The following CPPED1 variants were observed in gnomAD, a reference collection of about 807,000 sequenced individuals.
CPPED1 encodes serine/threonine-protein phosphatase CPPED1.
In CPPED1, 28 loss-of-function variants were observed where a neutral mutation model predicts 28.0. The observed-to-expected ratio is 1.00, with a 90% CI of 0.74 to 1.37. The LOEUF (loss-of-function observed/expected upper bound fraction) is 1.37. CPPED1 is among the 40% of genes most tolerant of loss of function. The pLI, the probability that CPPED1 is intolerant of heterozygous loss-of-function variation, is 0.00. For synonymous variants in CPPED1, 198 were observed against 180.2 expected (o/e 1.10, Z -0.79); for missense variants, 504 against 416.5 (o/e 1.21, Z -1.83).
At chr16:12,698,889 T>G (rs370329672) in intron 3 of CPPED1, among the ~76,000 whole-genome samples, 1 of 152,228 alleles carries the variant, frequency 6.6e-6, no homozygotes. Context: ...TTTTCATAAT[T>G]GCCAAATTTG....
intron 2 of CPPED1, among the ~76,000 whole-genome samples, chr16:12,767,628 C>G (rs912659967): frequency 5.3e-5 from 8 of 152,194 alleles, no homozygotes; most frequent in African/African-American, 1.9e-4. Context: ...TGAAGCCCAT[C>G]CATGGAGCTC....
At chr16:12,718,961 GC>G (rs770263046) in intron 2 of CPPED1, among the ~76,000 whole-genome samples, 2 of 151,930 alleles carry the variant, frequency 1.3e-5, no homozygotes, top group Non-Finnish European at 2.9e-5. Context: ...AGATTCTTAA[GC>G]AAAAAAGTTT....
Position 12,735,279 on chromosome 16 carries a change from G to A in CPPED1, c.290-30230C>T, listed in dbSNP as rs930170150. ...AAGTATTTTGCACCAAGATCCAATG[G>A]CCCCTTCCCCAAAAATATATATATT... On this transcript the variant is annotated intron_variant, in intron 2 of 3. Coordinates refer to ENST00000381774, the MANE Select transcript of CPPED1 (RefSeq NM_018340.3). Among the ~76,000 whole-genome samples, 3 of 152,128 alleles carry A rather than the reference G, an allele frequency of 2.0e-5. No homozygotes were observed. In the South Asian group the frequency reaches 6.2e-4, roughly 32 times the overall value.
At chr16:12,711,727 G>A (rs1338583422) in intron 2 of CPPED1, among the ~76,000 whole-genome samples, 3 of 152,108 alleles carry the variant, frequency 2.0e-5, no homozygotes, top group Admixed American at 2.0e-4. Flanking sequence ...CAGATTCAGA[G>A]GACCTGAGGT....
chr16:12,736,938 C>G (rs959286192), intron 2 of CPPED1, among the ~76,000 whole-genome samples: 1 of 152,020 alleles, frequency 6.6e-6, no homozygotes, highest in Admixed American at 6.6e-5. Context: ...CCCTGTAATC[C>G]CAGCACCTTG....
At chr16:12,725,639 A>G (rs1295719990) in intron 2 of CPPED1, among the ~76,000 whole-genome samples, 2 of 152,112 alleles carry the variant, frequency 1.3e-5, no homozygotes, top group Admixed American at 1.3e-4. Context: ...TCAGCCTGGG[A>G]ACTGATTTGT....
chr16:12,677,808 T>C (rs2079885449), intron 3 of CPPED1, among the ~76,000 whole-genome samples: 1 of 152,210 alleles, frequency 6.6e-6, no homozygotes, highest in Non-Finnish European at 1.5e-5. Context: ...ATGGAACTTC[T>C]TTTGAGGATC....
At chr16:12,763,399 T>C (rs1377806964) in intron 2 of CPPED1, among the ~76,000 whole-genome samples, 1 of 152,150 alleles carries the variant, frequency 6.6e-6, no homozygotes, top group Non-Finnish European at 1.5e-5. Context: ...ATACTGATTT[T>C]GGTGATCATT....
At position 12,661,240 on chromosome 16, in the gene CPPED1, G is replaced by C. The variant is rs2079792422; in HGVS notation, c.*3646C>G. 1 of 152,168 alleles carries C rather than the reference G, an allele frequency of 6.6e-6. No homozygotes were observed. The highest frequency in any genetic ancestry group is 2.4e-5 in the African/African-American group (1 of 41,430). 9.4% of individuals were successfully genotyped at this position (152,168 alleles called of 1,614,324 possible). A position where few individuals can be genotyped will look rare whatever the true frequency, so the allele number is the denominator to read the frequency against. On this transcript the variant is annotated 3_prime_UTR_variant, in exon 4 of 4. Transcript: ENST00000381774. Reference sequence around the variant, plus strand: ...TGTTTCTACAGTTGTATACACCGTAGTGTCTTTTACAGGTATATAAGGTCA... The same window carrying C: ...TGTTTCTACAGTTGTATACACCGTACTGTCTTTTACAGGTATATAAGGTCA...
intron 2 of CPPED1, among the ~76,000 whole-genome samples, chr16:12,734,058 GTTTTTTTTTTTTTTTTT>G (rs71142517): frequency 1.6e-4 from 10 of 64,426 alleles, no homozygotes; most frequent in African/African-American, 6.0e-4. Context: ...CAAATTACAC[GTTTTTTTTTTTTTTTTT>G]TTTTTTTTTT....
chr16:12,782,822 G>T (rs1242488281), intron 1 of CPPED1, among the ~76,000 whole-genome samples: 1 of 151,974 alleles, frequency 6.6e-6, no homozygotes, highest in Non-Finnish European at 1.5e-5. Context: ...AGTGAGCCAA[G>T]ATCACGTCAC....
chr16:12,688,050 G>A (rs998672897), intron 3 of CPPED1, among the ~76,000 whole-genome samples: 1 of 149,684 alleles, frequency 6.7e-6, no homozygotes, highest in African/African-American at 2.5e-5. Context: ...TTTTTTTTGA[G>A]ACAGGGTCTT....
chr16:12,686,753 T>C (rs574775703), intron 3 of CPPED1, among the ~76,000 whole-genome samples: 1 of 152,296 alleles, frequency 6.6e-6, no homozygotes, highest in African/African-American at 2.4e-5. Context: ...AGAGTGTCAG[T>C]TACTAAAACA....
At chr16:12,743,148 C>T (rs1285361197) in intron 2 of CPPED1, among the ~76,000 whole-genome samples, 1 of 152,198 alleles carries the variant, frequency 6.6e-6, no homozygotes, top group Non-Finnish European at 1.5e-5. Context: ...AATCCAGGTT[C>T]TCAGATGCAC....
In CPPED1 at chr16:12,682,857, T is replaced by TGG. The variant is rs2079912849; in HGVS notation, c.716-17744_716-17743dup. On this transcript the variant is annotated intron_variant, in intron 3 of 3. Transcript: ENST00000381774. This position sits in a 1 kb window ranked among gnomAD's most constrained non-coding sequence, Gnocchi z 6.1. ...GGCAGCTTGCGTGTGAAATGGAGCG[T>TGG]GGGGCCCACATTAAGGTTTCAATCC... is the stretch of plus-strand genomic sequence containing the variant. 2.0e-5 allele frequency among the ~76,000 whole-genome samples: 3 copies of TGG among 152,370 alleles called. No individual in the cohort carries two copies. The South Asian group carries it at 6.2e-4, about 32-fold the overall frequency.
At chr16:12,758,197 C>T (rs755269360) in intron 2 of CPPED1, among the ~76,000 whole-genome samples, 2 of 152,124 alleles carry the variant, frequency 1.3e-5, no homozygotes, top group African/African-American at 4.8e-5. Flanking sequence ...CCCAGTGTGC[C>T]TCACAGGCCC....
At chr16:12,749,634 G>A (rs2080314233) in intron 2 of CPPED1, among the ~76,000 whole-genome samples, 3 of 152,154 alleles carry the variant, frequency 2.0e-5, no homozygotes, top group Admixed American at 1.3e-4. Flanking sequence ...TCTACACCCA[G>A]GCTAGAGTGT....
At chr16:12,734,280 G>A (rs2080215313) in intron 2 of CPPED1, among the ~76,000 whole-genome samples, 1 of 151,992 alleles carries the variant, frequency 6.6e-6, no homozygotes, top group Non-Finnish European at 1.5e-5. Flanking sequence ...ATGTTGGCCA[G>A]CCTGATCTCG....
intron 1 of CPPED1, among the ~76,000 whole-genome samples, chr16:12,792,257 C>G (rs1418051038): frequency 6.6e-6 from 1 of 152,128 alleles, no homozygotes; most frequent in Non-Finnish European, 1.5e-5. Context: ...CTGGCCTCTT[C>G]CAGCTGTATC....
Sources: gnomAD v4.1 joint callset for allele counts (sites outside exome capture counted in the v4.1 genomes callset) on GRCh38, gnomAD v4.1.1 for gene constraint, Gnocchi (gnomAD v3.1) non-coding constraint, MANE v1.5 for transcripts, NCBI Gene and HGNC (gene_info 2026-07-23, HGNC 2026-07-21) for gene names.